Variants in PHACTR1 observed in about 807,000 individuals in gnomAD.
The protein encoded by PHACTR1 is phosphatase and actin regulator 1, also known as RPEL repeat containing 1.
PHACTR1 carries 16 observed loss-of-function variants against 69.2 expected under a neutral mutation model. The observed-to-expected ratio is 0.23, with a 90% CI of 0.16 to 0.35. The LOEUF is 0.35. Ranked by LOEUF, PHACTR1 falls within the 10% of genes least tolerant of loss-of-function variation. The probability of loss-of-function intolerance (pLI) is 1.00; values close to 1 mark genes in which losing one functional copy is unlikely to be tolerated. For synonymous variants in PHACTR1, 312 were observed against 284.5 expected (o/e 1.10, Z -0.97); for missense variants, 510 against 734.7 (o/e 0.69, Z 3.54).
intron 10 of PHACTR1, among the ~76,000 whole-genome samples, chr6:13,251,792 T>C (rs1021852334): frequency 1.3e-5 from 2 of 152,054 alleles, no homozygotes; most frequent in Non-Finnish European, 2.9e-5. Context: ...CATTTAAATT[T>C]ATATATATAA....
At chr6:12,797,040 T>TGTGTGTGTGAGAGAGAGA (rs563796658) in intron 4 of PHACTR1, among the ~76,000 whole-genome samples, 2 of 133,320 alleles carry the variant, frequency 1.5e-5, no homozygotes, top group African/African-American at 5.6e-5. Flanking sequence ...TGTGTGTGTG[T>TGTGTGTGTGAGAGAGAGA]GAGAGAGAGA....
intron 11 of PHACTR1, chr6:13,273,311 A>G (rs192820784): frequency 8.5e-5 from 15 of 176,444 alleles, no homozygotes; most frequent in Non-Finnish European, 6.0e-5. Context: ...ATTTGAACTG[A>G]GACTAGAAAG....
Position 13,221,727 on chromosome 6 carries a change from G to A in PHACTR1, c.987-6089G>A, listed in dbSNP as rs150446812. ...GAAATGTTAACTTCCATCATCATCT[G>A]TAATAATCCAGTTAGAATGAACAAA... On this transcript the variant is annotated intron_variant, in intron 8 of 14. Coordinates refer to ENST00000332995, the MANE Select transcript of PHACTR1 (RefSeq NM_030948.6). Among the ~76,000 whole-genome samples the A allele has an allele frequency of 3.3e-3, 496 of 152,316 alleles. 4 individuals are homozygous for A. The highest frequency in any genetic ancestry group is 0.011 in the African/African-American group (466 of 41,552).
chr6:13,229,553 T>C (rs2127324198), intron 9 of PHACTR1, among the ~76,000 whole-genome samples: 1 of 151,864 alleles, frequency 6.6e-6, no homozygotes, highest in Non-Finnish European at 1.5e-5. Context: ...CCAGCTCCAG[T>C]GTAGTTGATC....
chr6:13,269,202 C>T lies in PHACTR1; in HGVS notation c.1392-3658C>T, dbSNP rs574179459. ...ATTCTGCCCCCAAAACTTAGCTTGA[C>T]TTAAAGCCTGGGTATTACCAAACCA... On this transcript the variant is annotated intron_variant, in intron 10 of 14. Coordinates refer to ENST00000332995, the MANE Select transcript of PHACTR1 (RefSeq NM_030948.6). Among the ~76,000 whole-genome samples the T allele has an allele frequency of 2.6e-5, 4 of 152,348 alleles. No homozygotes were observed. The East Asian group carries it at 5.8e-4, about 22-fold the overall frequency.
At chr6:12,974,430 G>A (rs1392918436) in intron 4 of PHACTR1, among the ~76,000 whole-genome samples, 1 of 152,150 alleles carries the variant, frequency 6.6e-6, no homozygotes. Flanking sequence ...GCTTCTGCTA[G>A]AAGTAGTATT....
intron 5 of PHACTR1, among the ~76,000 whole-genome samples, chr6:13,135,520 T>C (rs1209018409): frequency 1.3e-5 from 2 of 152,240 alleles, no homozygotes; most frequent in African/African-American, 4.8e-5. Flanking sequence ...TTTATTACAC[T>C]GAGAAGACTT....
At chr6:12,945,281 C>T (rs755101841) in intron 4 of PHACTR1, among the ~76,000 whole-genome samples, 1 of 152,188 alleles carries the variant, frequency 6.6e-6, no homozygotes, top group Non-Finnish European at 1.5e-5. Context: ...TTCTGCTATG[C>T]GCTGCCACAA....
chr6:12,863,045 C>G (rs1256092951), intron 4 of PHACTR1, among the ~76,000 whole-genome samples: 1 of 152,196 alleles, frequency 6.6e-6, no homozygotes, highest in Non-Finnish European at 1.5e-5. Context: ...CTGATAAATA[C>G]ATCACAATAA....
At chr6:12,815,872 G>T (rs1045528471) in intron 4 of PHACTR1, among the ~76,000 whole-genome samples, 8 of 152,152 alleles carry the variant, frequency 5.3e-5, no homozygotes, top group Non-Finnish European at 1.0e-4. Flanking sequence ...CTCCTGGTGT[G>T]TGTCCATCTT....
chr6:13,078,997 AT>A (rs914019917), intron 5 of PHACTR1, among the ~76,000 whole-genome samples: 2 of 152,218 alleles, frequency 1.3e-5, no homozygotes, highest in African/African-American at 2.4e-5. Flanking sequence ...CCCAAACTTA[AT>A]TTTTTTTCTT....
chr6:13,206,225 G>C, intron 8 of PHACTR1, 89 bp downstream of exon 8: 1 of 1,285,514 alleles, frequency 7.8e-7, no homozygotes, highest in Non-Finnish European at 1.0e-6. Context: ...TTAGGAATGT[G>C]AACAAGGGGT....
At chr6:12,781,506 C>T (rs1770817897) in intron 4 of PHACTR1, among the ~76,000 whole-genome samples, 2 of 152,332 alleles carry the variant, frequency 1.3e-5, no homozygotes, top group Middle Eastern at 3.4e-3. Flanking sequence ...GGATTTTCCA[C>T]TTTGAAAGAA....
intron 5 of PHACTR1, among the ~76,000 whole-genome samples, chr6:13,089,866 C>T (rs1295622732): frequency 6.6e-6 from 1 of 152,198 alleles, no homozygotes; most frequent in African/African-American, 2.4e-5. Flanking sequence ...AATGCAGCCA[C>T]ATGCCCTGTA....
chr6:13,265,413 G>C (rs1289099198), intron 10 of PHACTR1, among the ~76,000 whole-genome samples: 1 of 152,108 alleles, frequency 6.6e-6, no homozygotes, highest in Non-Finnish European at 1.5e-5. Flanking sequence ...CACCGGATCA[G>C]GGCAGCCCTG....
chr6:13,060,432 ATTG>A (rs1408170895), intron 5 of PHACTR1, among the ~76,000 whole-genome samples: 1 of 152,158 alleles, frequency 6.6e-6, no homozygotes, highest in Non-Finnish European at 1.5e-5. Flanking sequence ...ATTTGTCACC[ATTG>A]TTTTATGATG....
At chr6:13,112,409 T>A (rs1817188058) in intron 5 of PHACTR1, among the ~76,000 whole-genome samples, 1 of 152,168 alleles carries the variant, frequency 6.6e-6, no homozygotes, top group African/African-American at 2.4e-5. Context: ...TGGGATTGAG[T>A]CAAATGGTAG....
At chr6:12,919,646 C>T (rs943109313) in intron 4 of PHACTR1, among the ~76,000 whole-genome samples, 1 of 152,170 alleles carries the variant, frequency 6.6e-6, no homozygotes, top group African/African-American at 2.4e-5. Context: ...TGATGCTTCC[C>T]ATGACTTTGG....
chr6:12,817,053 T>C (rs746869258), intron 4 of PHACTR1, among the ~76,000 whole-genome samples: 19 of 152,206 alleles, frequency 1.2e-4, no homozygotes, highest in Non-Finnish European at 2.5e-4. Context: ...TGTGCATGCA[T>C]GTAACGGCAG....
Sources: gnomAD v4.1 joint callset for allele counts (sites outside exome capture counted in the v4.1 genomes callset) on GRCh38, gnomAD v4.1.1 for gene constraint, MANE v1.5 for transcripts, NCBI Gene and HGNC (gene_info 2026-07-23, HGNC 2026-07-21) for gene names.